The following SLC27A2 variants were observed in gnomAD, a reference collection of about 807,000 sequenced individuals.
The protein encoded by SLC27A2 is long-chain fatty acid transport protein 2.
SLC27A2 carries 54 observed loss-of-function variants against 60.0 expected under a neutral mutation model. The observed-to-expected ratio is 0.90, with a 90% confidence interval of 0.72 to 1.13. The LOEUF (loss-of-function observed/expected upper bound fraction) is 1.13, where lower values mean the gene tolerates loss of function less well. SLC27A2 is among the 50% of genes most tolerant of loss of function. SLC27A2 has a pLI of 0.00. For synonymous variants in SLC27A2, 297 were observed against 297.6 expected (o/e 1.00, Z 0.02); for missense variants, 739 against 777.6 (o/e 0.95, Z 0.59).
chr15:50,218,439 G>A (rs2140909490), intron 4 of SLC27A2, among the ~76,000 whole-genome samples: 1 of 152,182 alleles, frequency 6.6e-6, no homozygotes, highest in Middle Eastern at 3.4e-3. Context: ...TCCGAGGGCT[G>A]GACAGACTGA....
chr15:50,208,168 G>A (rs1408677825), intron 4 of SLC27A2, among the ~76,000 whole-genome samples: 1 of 152,132 alleles, frequency 6.6e-6, no homozygotes, highest in East Asian at 1.9e-4. Context: ...AGACATATAT[G>A]GCCCAGCTCA....
At chr15:50,185,731 G>A (rs986867525) in intron 1 of SLC27A2, among the ~76,000 whole-genome samples, 3 of 144,090 alleles carry the variant, frequency 2.1e-5, no homozygotes, top group Admixed American at 7.3e-5. Context: ...CCTGGTTCAC[G>A]CCATTCTCCT....
chr15:50,182,210 C>A lies in SLC27A2; in HGVS notation c.-218C>A. The stretch of plus-strand genomic sequence containing the variant: ...CTCAGCCGGCCAGTCCTGCCCGGAA[C>A]CCCCGGCAACGCGCATACGACTACA... On this transcript the variant is annotated 5_prime_UTR_variant, in exon 1 of 10. Transcript: ENST00000267842. The A allele has an allele frequency of 3.2e-6, 2 of 634,832 alleles. No homozygotes were observed. Among genetic ancestry groups the A allele is most frequent in the Non-Finnish European group, 4.4e-6 (2 of 450,950 alleles). The allele number at this position is 634,832 out of a possible 1,614,324, so 39.3% of individuals were successfully genotyped here.
At chr15:50,197,433 T>C in intron 1 of SLC27A2, 67 bp from the exon 2 acceptor site, 1 of 1,207,286 alleles carries the variant, frequency 8.3e-7, no homozygotes, top group Non-Finnish European at 1.2e-6. Context: ...ATGATGCTTG[T>C]TGAAGCACTA....
At chr15:50,216,804 A>G (rs937936205) in intron 4 of SLC27A2, among the ~76,000 whole-genome samples, 12 of 141,982 alleles carry the variant, frequency 8.5e-5, no homozygotes, top group African/African-American at 3.1e-4. Flanking sequence ...ATATATCCAC[A>G]AAATATATAT....
chr15:50,195,123 A>AT (rs1422606093), intron 1 of SLC27A2, among the ~76,000 whole-genome samples: 1 of 152,132 alleles, frequency 6.6e-6, no homozygotes, highest in Non-Finnish European at 1.5e-5. Context: ...GGAAATGCAT[A>AT]TTTTTTGGTG....
At chr15:50,218,127 G>A (rs1451126574) in intron 4 of SLC27A2, among the ~76,000 whole-genome samples, 1 of 144,940 alleles carries the variant, frequency 6.9e-6, no homozygotes, top group Non-Finnish European at 1.5e-5. Context: ...TATCCTCAGA[G>A]AGACTGGAGA....
At chr15:50,186,277 C>T (rs890628823) in intron 1 of SLC27A2, among the ~76,000 whole-genome samples, 2 of 151,914 alleles carry the variant, frequency 1.3e-5, no homozygotes, top group African/African-American at 2.4e-5. Flanking sequence ...AGATCATCCC[C>T]AAAAATGCTG....
rs548814052 is a variant in SLC27A2 at position 50,234,153 on chromosome 15, T to C, written c.1686+155T>C. On this transcript the variant is annotated intron_variant, in intron 9 of 9. Coordinates refer to ENST00000267842, the MANE Select transcript of SLC27A2 (RefSeq NM_003645.4). ...AAAGTGTCATAGACCAATAAGGAAG[T>C]GGTAATATCAGGCTGGGTGCGGTGG... Among the ~76,000 whole-genome samples, 7 of 152,168 alleles carry C rather than the reference T, an allele frequency of 4.6e-5. No homozygotes were observed. In the East Asian group the frequency reaches 5.8e-4, roughly 13 times the overall value.
chr15:50,228,962 T>C lies in SLC27A2; in HGVS notation c.1475T>C (p.Val492Ala). ...TCTTCCAGGTGGAAAGGGGAAAATGTGGCCACCACTGAAGTTGCTGATACA... is the reference window on the plus strand; with the variant it reads ...TCTTCCAGGTGGAAAGGGGAAAATGCGGCCACCACTGAAGTTGCTGATACA... ...GDTFRWKGEN[V>A]ATTEVADTVG... The change falls in exon 8 of 10, where the codon GTG becomes GCG. Residue 492 changes from valine to alanine, a missense_variant. Val to Ala is a moderately conservative substitution (Grantham distance 64). Coordinates refer to ENST00000267842, the MANE Select transcript of SLC27A2 (RefSeq NM_003645.4). The C allele has an allele frequency of 1.2e-6, 2 of 1,613,902 alleles. No homozygotes were observed. The highest frequency in any genetic ancestry group is 1.7e-6 in the Non-Finnish European group (2 of 1,179,750).
chr15:50,200,840 T>C (rs1301238710), intron 2 of SLC27A2, among the ~76,000 whole-genome samples: 1 of 152,200 alleles, frequency 6.6e-6, no homozygotes, highest in Non-Finnish European at 1.5e-5. Flanking sequence ...ATACGGTTTT[T>C]CACCTTTCAG....
intron 1 of SLC27A2, among the ~76,000 whole-genome samples, chr15:50,193,613 A>T (rs1161702968): frequency 6.6e-6 from 1 of 152,212 alleles, no homozygotes. Context: ...TAAGCAAGGC[A>T]TACTTGTATC....
At chr15:50,188,472 T>C (rs894029211) in intron 1 of SLC27A2, among the ~76,000 whole-genome samples, 5 of 152,220 alleles carry the variant, frequency 3.3e-5, no homozygotes, top group African/African-American at 1.2e-4. Context: ...TATTTAATTT[T>C]CTAATGCCAA....
At chr15:50,216,249 A>G (rs969598120) in intron 4 of SLC27A2, among the ~76,000 whole-genome samples, 1 of 152,194 alleles carries the variant, frequency 6.6e-6, no homozygotes, top group Non-Finnish European at 1.5e-5. Flanking sequence ...AATCAAAACT[A>G]CAATGCGATA....
chr15:50,219,230 T>G (rs1331639343), intron 4 of SLC27A2, among the ~76,000 whole-genome samples: 1 of 152,092 alleles, frequency 6.6e-6, no homozygotes, highest in African/African-American at 2.4e-5. Flanking sequence ...AGCATTTAAT[T>G]TAGAATTTAA....
intron 5 of SLC27A2, among the ~76,000 whole-genome samples, chr15:50,224,426 C>T (rs1168410707): frequency 1.3e-5 from 2 of 151,956 alleles, no homozygotes; most frequent in African/African-American, 4.8e-5. Context: ...GGCAACAGAG[C>T]GAAACTCCAT....
chr15:50,227,372 G>A (rs1244344154), intron 7 of SLC27A2, among the ~76,000 whole-genome samples, 194 bp downstream of exon 7: 1 of 152,218 alleles, frequency 6.6e-6, no homozygotes, highest in African/African-American at 2.4e-5. Context: ...GGTTAACTTG[G>A]CTGAGCAACA....
In SLC27A2 at chr15:50,182,559, C is replaced by G. The variant is rs1246973392; in HGVS notation, c.132C>G (p.Arg44=). 2 of 1,612,844 alleles carry G rather than the reference C, an allele frequency of 1.2e-6. No individual in the cohort carries two copies. Among genetic ancestry groups the G allele is most frequent in the Non-Finnish European group, 1.7e-6 (2 of 1,179,464 alleles). The change falls in exon 1 of 10, where the codon CGC becomes CGG. Residue 44 remains arginine (R), a synonymous_variant. Transcript: ENST00000267842. The part of the protein sequence containing the change: ...LKVAAVGRRV[R]SYGKRRPART... ...TGGCCGCCGTGGGCCGGAGGGTGCG[C>G]AGCTACGGGAAGCGGCGGCCGGCGC...
At chr15:50,185,426 G>C (rs1488293556) in intron 1 of SLC27A2, among the ~76,000 whole-genome samples, 1 of 152,106 alleles carries the variant, frequency 6.6e-6, no homozygotes, top group Non-Finnish European at 1.5e-5. Context: ...GTCTGTCACA[G>C]AGTTGCATGT....
Sources: allele counts gnomAD v4.1 joint callset (sites outside exome capture counted in the v4.1 genomes callset), GRCh38; gene constraint gnomAD v4.1.1; transcripts MANE v1.5; gene names NCBI Gene and HGNC (gene_info 2026-07-23, HGNC 2026-07-21).